TUBB: variants seen among roughly 807,000 people sequenced by gnomAD.
The protein encoded by TUBB is tubulin beta class I.
TUBB carries 2 observed loss-of-function variants against 35.1 expected under a neutral mutation model. The ratio of observed to expected loss-of-function variants is 0.06; its 90% CI spans 0.02 to 0.18. The LOEUF is 0.18. TUBB is among the 10% of genes least tolerant of loss of function. The pLI is 1.00. For synonymous variants in TUBB, 205 were observed against 223.8 expected (o/e 0.92, Z 0.75); for missense variants, 50 against 599.4 (o/e 0.08, Z 9.57).
At chr6:30,722,471 A>G in intron 1 of TUBB, 66 bp from the exon 2 acceptor site, 1 of 1,089,886 alleles carries the variant, frequency 9.2e-7, no homozygotes, top group African/African-American at 1.6e-5. Flanking sequence ...ATGAAATAAA[A>G]TGGTAGTTGG....
chr6:30,722,041 T>A (rs1381521798), intron 1 of TUBB: 1 of 308,240 alleles, frequency 3.2e-6, no homozygotes, highest in East Asian at 1.7e-4. Flanking sequence ...TGGTCCCAGC[T>A]ACTCGAGAGG....
intron 1 of TUBB, among the ~76,000 whole-genome samples, chr6:30,720,919 G>A (rs1385618907): frequency 6.6e-6 from 1 of 152,270 alleles, no homozygotes; most frequent in African/African-American, 2.4e-5. Context: ...TTTTGCCCAT[G>A]TGCATCCCGC....
chr6:30,723,253 A>T (rs1372859909), intron 3 of TUBB, 87 bp from the exon 4 acceptor site: 6 of 1,160,116 alleles, frequency 5.2e-6, no homozygotes, highest in African/African-American at 1.6e-5. Context: ...GATACATCCG[A>T]GGGAATTATT....
At chr6:30,721,630 C>G (rs1006162154) in intron 1 of TUBB, 124 of 985,448 alleles carry the variant, frequency 1.3e-4, no homozygotes, top group Middle Eastern at 1.0e-3. Flanking sequence ...GGCGGCAGCT[C>G]TTTCCTCAGA....
chr6:30,724,268 C>T lies in TUBB; in HGVS notation c.1206C>T (p.Gly402=), dbSNP rs1776473500. 2.5e-6 allele frequency: 4 copies of T among 1,613,740 alleles called. No homozygotes were observed. In the South Asian group the frequency reaches 4.4e-5, roughly 18 times the overall value. ...KAFLHWYTGE[G]MDEMEFTEAE... Reference sequence around the variant, plus strand: ...TCCTCCACTGGTACACAGGCGAGGGCATGGACGAGATGGAGTTCACCGAGG... The same window carrying T: ...TCCTCCACTGGTACACAGGCGAGGGTATGGACGAGATGGAGTTCACCGAGG... The change falls in exon 4 of 4, where the codon GGC becomes GGT. Residue 402 remains glycine (G), a synonymous_variant. Transcript: ENST00000327892. The surrounding 1 kb of genome is among the most constrained non-coding windows in gnomAD (Gnocchi z 4.4).
In TUBB at chr6:30,724,508, T is replaced by C; in HGVS notation, c.*111T>C. On this transcript the variant is annotated 3_prime_UTR_variant, in exon 4 of 4. Transcript: ENST00000327892. This position sits in a 1 kb window ranked among gnomAD's most constrained non-coding sequence, Gnocchi z 4.4. ...TGCTGCCTCTATCTTGTTTTTTGTT[T>C]TTTCTTCTGGGGGGGGTCTAGAACA... is the stretch of plus-strand genomic sequence containing the variant. 1 of 1,044,740 alleles carries C rather than the reference T, an allele frequency of 9.6e-7. No homozygotes were observed. The highest frequency in any genetic ancestry group is 1.7e-5 in the South Asian group (1 of 59,790). 64.7% of individuals were successfully genotyped at this position (1,044,740 alleles called of 1,614,324 possible). A position where few individuals can be genotyped will look rare whatever the true frequency, so the allele number is the denominator to read the frequency against.
intron 1 of TUBB, chr6:30,721,407 G>C (rs947314442): frequency 4.4e-6 from 1 of 225,410 alleles, no homozygotes; most frequent in African/African-American, 2.4e-5. Flanking sequence ...CGTTGTAGCA[G>C]AAGGGCGGGG....
intron 3 of TUBB, 143 bp downstream of exon 3, chr6:30,723,171 A>AG (rs1453894778): frequency 1.1e-6 from 1 of 899,924 alleles, no homozygotes; most frequent in African/African-American, 1.7e-5. Context: ...CGGAGGGTAG[A>AG]GGTAGTGCCT....
intron 1 of TUBB, among the ~76,000 whole-genome samples, chr6:30,721,396 A>G (rs1319471800): frequency 6.1e-5 from 9 of 147,118 alleles, no homozygotes; most frequent in Non-Finnish European, 1.2e-4. Context: ...TGCGGCTGCT[A>G]CGTTGTAGCA....
chr6:30,723,054 G>A, intron 3 of TUBB, 26 bp downstream of exon 3: 1 of 1,555,058 alleles, frequency 6.4e-7, no homozygotes, highest in Middle Eastern at 1.7e-4. Flanking sequence ...GATATTAGCA[G>A]ATGATATACC....
rs532647902 is a variant in TUBB, at chr6:30,724,995, C to G, written c.*598C>G. The G allele has an allele frequency of 2.6e-5, 4 of 153,024 alleles. 1 individual carries two copies. In the South Asian group the frequency reaches 8.2e-4, roughly 31 times the overall value. The allele number at this position is 153,024 out of a possible 1,614,324, so 9.5% of individuals were successfully genotyped here. The stretch of plus-strand genomic sequence containing the variant: ...CTCTACTCTGGAGGAGTCTGTCCCA[C>G]TCTGTCAAGTGGAATCCTTCCCTTT... On this transcript the variant is annotated 3_prime_UTR_variant, in exon 4 of 4. Transcript: ENST00000327892. The surrounding 1 kb of genome is among the most constrained non-coding windows in gnomAD (Gnocchi z 4.4).
intron 1 of TUBB, chr6:30,721,450 C>G (rs1254169434): frequency 1.5e-6 from 1 of 667,800 alleles, no homozygotes; most frequent in African/African-American, 2.0e-5. Context: ...GCCGTGGGCG[C>G]GCGGGGACAA....
intron 1 of TUBB, 101 bp from the exon 2 acceptor site, chr6:30,722,436 C>A: frequency 7.3e-6 from 6 of 818,970 alleles, no homozygotes; most frequent in Non-Finnish European, 1.2e-5. Flanking sequence ...AGCGAGACTC[C>A]GTCTCAAAAA....
At position 30,724,370 on chromosome 6, in the gene TUBB, C is replaced by T. The variant is rs3873307; in HGVS notation, c.1308C>T (p.Phe436=). Residue 436 remains phenylalanine (F), a synonymous_variant, in exon 4 of 4, where the codon TTC becomes TTT. Coordinates refer to ENST00000327892, the MANE Select transcript of TUBB (RefSeq NM_178014.4). The surrounding 1 kb of genome is among the most constrained non-coding windows in gnomAD (Gnocchi z 4.4). ...CCACCGCAGAAGAGGAGGAGGATTT[C>T]GGTGAGGAGGCCGAAGAGGAGGCCT... ...QDATAEEEED[F]GEEAEEEA 6.8e-6 allele frequency: 11 copies of T among 1,612,148 alleles called. No individual in the cohort carries two copies. The highest frequency in any genetic ancestry group is 6.6e-5 in the South Asian group (6 of 90,994).
At position 30,724,519 on chromosome 6, in the gene TUBB, G is replaced by C. The variant is rs1326075472; in HGVS notation, c.*122G>C. On this transcript the variant is annotated 3_prime_UTR_variant, in exon 4 of 4. Coordinates refer to ENST00000327892, the MANE Select transcript of TUBB (RefSeq NM_178014.4). This position sits in a 1 kb window ranked among gnomAD's most constrained non-coding sequence, Gnocchi z 4.4. ...TCTTGTTTTTTGTTTTTTCTTCTGG[G>C]GGGGGTCTAGAACAGTGCCTGGCAC... 1.1e-5 allele frequency: 10 copies of C among 872,238 alleles called. No homozygotes were observed. Among genetic ancestry groups the C allele is most frequent in the Non-Finnish European group, 1.7e-5 (10 of 582,044 alleles). 54.0% of individuals were successfully genotyped at this position (872,238 alleles called of 1,614,324 possible).
At chr6:30,721,720 G>T (rs976925144) in intron 1 of TUBB, 1 of 985,144 alleles carries the variant, frequency 1.0e-6, no homozygotes, top group African/African-American at 1.7e-5. Flanking sequence ...AAGTGTGGTC[G>T]ACCTCCATCC....
rs1331486198 is a variant in TUBB, at chr6:30,723,477, C to T, written c.415C>T (p.Leu139=). The T allele has an allele frequency of 1.2e-6, 2 of 1,614,236 alleles. No individual in the cohort carries two copies. Among genetic ancestry groups the T allele is most frequent in the South Asian group, 1.1e-5 (1 of 91,082 alleles). The change falls in exon 4 of 4, where the codon CTG becomes TTG. Residue 139 remains leucine (L), a synonymous_variant. Coordinates refer to ENST00000327892, the MANE Select transcript of TUBB (RefSeq NM_178014.4). ...CLQGFQLTHS[L]GGGTGSGMGT... is the part of the protein sequence containing the mutation. ...GCAGGGCTTCCAGCTGACCCACTCACTGGGCGGGGGCACAGGCTCTGGAAT... is the reference window on the plus strand; with the variant it reads ...GCAGGGCTTCCAGCTGACCCACTCATTGGGCGGGGGCACAGGCTCTGGAAT...
At position 30,720,382 on chromosome 6, in the gene TUBB, A is replaced by G; in HGVS notation, c.-125A>G. ...AGAACCTTCCTGCCGTCGCGTTTGC[A>G]CCTCGCTGCTCCAGCCTCTGGGGCG... On this transcript the variant is annotated 5_prime_UTR_variant, in exon 1 of 4. Transcript: ENST00000327892. 1 of 898,204 alleles carries G rather than the reference A, an allele frequency of 1.1e-6. No homozygotes were observed. The highest frequency in any genetic ancestry group is 1.9e-5 in the Admixed American group (1 of 51,338). The allele number at this position is 898,204 out of a possible 1,614,324, so 55.6% of individuals were successfully genotyped here.
At chr6:30,722,441 C>A in intron 1 of TUBB, 96 bp from the exon 2 acceptor site, 4 of 894,740 alleles carry the variant, frequency 4.5e-6, no homozygotes, top group South Asian at 1.5e-5. Context: ...GACTCCGTCT[C>A]AAAAAAAATT....
Sources: allele counts gnomAD v4.1 joint callset (sites outside exome capture counted in the v4.1 genomes callset), GRCh38; gene constraint gnomAD v4.1.1; non-coding constraint Gnocchi (gnomAD v3.1); transcripts MANE v1.5; gene names NCBI Gene and HGNC (gene_info 2026-07-23, HGNC 2026-07-21).